The following PLET1 variants were observed in gnomAD, a reference collection of about 807,000 sequenced individuals.
PLET1 encodes the protein placenta-expressed transcript 1 protein.
A neutral mutation model predicts 18.5 loss-of-function variants in PLET1; 20 were observed. The ratio of observed to expected loss-of-function variants is 1.08; its 90% CI spans 0.76 to 1.57. The LOEUF (loss-of-function observed/expected upper bound fraction) is 1.57, where lower values mean the gene tolerates loss of function less well. Ranked by LOEUF, PLET1 falls within the 40% of genes most tolerant of loss-of-function variation. PLET1 has a pLI of 0.00. For missense variants in PLET1, 256 were observed against 246.4 expected, an observed-to-expected ratio of 1.04 and a Z score of -0.26; for synonymous variants, 93 against 93.8, an observed-to-expected ratio of 0.99 and a Z score of 0.05.
rs377027318 is a variant in PLET1 at position 112,255,425 on chromosome 11, C to G, written c.349G>C (p.Ala117Pro). Residue 117 changes from alanine to proline, a missense_variant, in exon 2 of 4, where the codon GCT becomes CCT. Physicochemically the swap from Ala to Pro is conservative, Grantham distance 27. Coordinates refer to ENST00000338832, the MANE Select transcript of PLET1 (RefSeq NM_001145024.1). ...YMTVLEAQWQ[A>P]PEPENITEVE... is the part of the protein sequence containing the mutation. ...TCAGTTATGTTCTCAGGTTCAGGAG[C>G]TTGCCACTGTGCCTCTAAGACCGTC... 2 of 1,552,328 alleles carry G rather than the reference C, an allele frequency of 1.3e-6. No homozygotes were observed. The highest frequency in any genetic ancestry group is 2.7e-5 in the African/African-American group (2 of 73,154).
intron 3 of PLET1, among the ~76,000 whole-genome samples, chr11:112,250,430 G>A (rs1278514293): frequency 2.0e-5 from 3 of 151,930 alleles, no homozygotes; most frequent in Non-Finnish European, 4.4e-5. Flanking sequence ...TGTAACAGCG[G>A]AAAGTCCAGA....
In PLET1 at chr11:112,260,407, A is replaced by C. The variant is rs780066878; in HGVS notation, c.183T>G (p.Ser61=). Residue 61 remains serine (S), a splice_region_variant and synonymous_variant, in exon 1 of 4, where the codon TCT becomes TCG. Transcript: ENST00000338832. ...GCAGAGAGCATGGCTTCTACTCACC[A>C]GAATAGACTGCATTGCTTTCGTAGA... ...SHIYESNAVY[S]VFVPVNDSVY... The C allele has an allele frequency of 3.2e-6, 5 of 1,550,506 alleles. No homozygotes were observed. In the South Asian group the frequency reaches 6.0e-5, roughly 18 times the overall value.
chr11:112,253,873 A>G (rs1860183620), intron 2 of PLET1, among the ~76,000 whole-genome samples: 2 of 152,298 alleles, frequency 1.3e-5, no homozygotes, highest in South Asian at 2.1e-4. Context: ...CGGCCCTTTC[A>G]GTACAGAATG....
In PLET1 at chr11:112,255,266, C is replaced by T. The variant is rs1172599705; in HGVS notation, c.386+122G>A. The T allele has an allele frequency of 7.0e-6, 7 of 1,001,936 alleles. No individual in the cohort carries two copies. In the East Asian group the frequency reaches 7.8e-5, roughly 11 times the overall value. 62.1% of individuals were successfully genotyped at this position (1,001,936 alleles called of 1,614,324 possible). ...AGCACTGTGAGACGGTAATGAAGTGCGACTGCTGAGTTCTCCATATCACGT... is the reference window on the plus strand; with the variant it reads ...AGCACTGTGAGACGGTAATGAAGTGTGACTGCTGAGTTCTCCATATCACGT... On this transcript the variant is annotated intron_variant, in intron 2 of 3. Coordinates refer to ENST00000338832, the MANE Select transcript of PLET1 (RefSeq NM_001145024.1).
rs549995753 is a variant in PLET1, at chr11:112,259,506, C to T, written c.184+900G>A. ...TATAAAAAATATCTACTGGACACCT[C>T]TAAGAAAAGCATTGGATTAAGAATG... On this transcript the variant is annotated intron_variant, in intron 1 of 3. Coordinates refer to ENST00000338832, the MANE Select transcript of PLET1 (RefSeq NM_001145024.1). 3.3e-5 allele frequency among the ~76,000 whole-genome samples: 5 copies of T among 152,248 alleles called. No homozygotes were observed. The South Asian group carries it at 1.0e-3, about 32-fold the overall frequency.
chr11:112,248,695 A>G lies in PLET1; in HGVS notation c.*104T>C. 7.6e-7 allele frequency: 1 copy of G among 1,308,048 alleles called. No homozygotes were observed. Among genetic ancestry groups the G allele is most frequent in the South Asian group, 1.5e-5 (1 of 66,328 alleles). The allele number at this position is 1,308,048 out of a possible 1,614,324, so 81.0% of individuals were successfully genotyped here. On this transcript the variant is annotated 3_prime_UTR_variant, in exon 4 of 4. Coordinates refer to ENST00000338832, the MANE Select transcript of PLET1 (RefSeq NM_001145024.1). ...GTGGCAGCAAAGTTGCACATTTGAGAATGTAAAGCCTTCATTTACACACAT... is the reference window on the plus strand; with the variant it reads ...GTGGCAGCAAAGTTGCACATTTGAGGATGTAAAGCCTTCATTTACACACAT...
chr11:112,255,536 CG>C lies in PLET1; in HGVS notation c.237del (p.Asp79GlufsTer25). 1 of 1,551,598 alleles carries C rather than the reference CG, an allele frequency of 6.4e-7. No homozygotes were observed. The highest frequency in any genetic ancestry group is 8.7e-7 in the Non-Finnish European group (1 of 1,146,842). Reference sequence around the variant, plus strand: ...CAGAGGCCCGCTGAGTCACTGTTCTCGTCCAAGGTTTTCATGACCACAGCAT... The same window carrying C: ...CAGAGGCCCGCTGAGTCACTGTTCTCTCCAAGGTTTTCATGACCACAGCAT... Reference protein sequence around the residue: ...SVYAVVMKTLDENSDSAGLWQ... With the variant: ...SVYAVVMKTLXENSDSAGLWQ... On this transcript the variant is annotated frameshift_variant, in exon 2 of 4. Transcript: ENST00000338832. LOFTEE classifies it high-confidence loss of function.
chr11:112,252,983 A>G (rs1447842580), intron 2 of PLET1, among the ~76,000 whole-genome samples: 1 of 152,180 alleles, frequency 6.6e-6, no homozygotes, highest in African/African-American at 2.4e-5. Context: ...TAGATCATTA[A>G]TGAAAGGACA....
intron 3 of PLET1, among the ~76,000 whole-genome samples, chr11:112,251,621 A>T (rs1411719682): frequency 1.3e-5 from 2 of 150,850 alleles, no homozygotes; most frequent in African/African-American, 4.9e-5. Flanking sequence ...TGTGTTGCCC[A>T]GGTTGGTCTT....
At chr11:112,254,919 G>A (rs1860204455) in intron 2 of PLET1, among the ~76,000 whole-genome samples, 1 of 117,082 alleles carries the variant, frequency 8.5e-6, no homozygotes, top group Non-Finnish European at 1.8e-5. Flanking sequence ...TGTGGGGTAT[G>A]TATGTGTGTG....
chr11:112,257,109 C>T (rs1164698368), intron 1 of PLET1, among the ~76,000 whole-genome samples: 3 of 152,218 alleles, frequency 2.0e-5, no homozygotes, highest in African/African-American at 7.2e-5. Context: ...ATATTTTTGC[C>T]TCTGGTCTGT....
Position 112,255,419 on chromosome 11 carries a change from C to T in PLET1, c.355G>A (p.Glu119Lys), listed in dbSNP as rs1293424940. Residue 119 changes from glutamate to lysine, a missense_variant, in exon 2 of 4, where the codon GAA becomes AAA. Physicochemically the swap from Glu to Lys is moderately conservative, Grantham distance 56. Coordinates refer to ENST00000338832, the MANE Select transcript of PLET1 (RefSeq NM_001145024.1). ...TVLEAQWQAPEPENITEVEIQ... is the reference protein window; with the variant it reads ...TVLEAQWQAPKPENITEVEIQ... ...TCCACTTCAGTTATGTTCTCAGGTT[C>T]AGGAGCTTGCCACTGTGCCTCTAAG... The T allele has an allele frequency of 1.3e-6, 2 of 1,552,308 alleles. No homozygotes were observed. The highest frequency in any genetic ancestry group is 1.2e-5 in the South Asian group (1 of 84,062).
At chr11:112,254,449 G>A (rs1315417012) in intron 2 of PLET1, among the ~76,000 whole-genome samples, 1 of 148,970 alleles carries the variant, frequency 6.7e-6, no homozygotes, top group Non-Finnish European at 1.5e-5. Flanking sequence ...GTACGTGTGT[G>A]TGGTGTGTGT....
rs897543860 is a variant in PLET1, at chr11:112,248,906, G to C, written c.517C>G (p.Pro173Ala). The change falls in exon 4 of 4, where the codon CCC (proline) becomes GCC (alanine). Residue 173 changes from proline (P) to alanine (A), a missense_variant. Coordinates refer to ENST00000338832, the MANE Select transcript of PLET1 (RefSeq NM_001145024.1). ...SAFKPFFMIT[P>A]KSIRLEGLAN... is the part of the protein sequence containing the mutation. Reference sequence around the variant, plus strand: ...AAGCCTTCGAGTCTGATACTCTTGGGTGTAATCATGAAGAAAGGCTTGAAG... The same window carrying C: ...AAGCCTTCGAGTCTGATACTCTTGGCTGTAATCATGAAGAAAGGCTTGAAG... The C allele has an allele frequency of 7.7e-6, 12 of 1,551,430 alleles. No homozygotes were observed. Among genetic ancestry groups the C allele is most frequent in the Non-Finnish European group, 1.0e-5 (12 of 1,146,956 alleles).
At chr11:112,254,779 AT>A (rs1566829059) in intron 2 of PLET1, among the ~76,000 whole-genome samples, 1 of 5,972 alleles carries the variant, frequency 1.7e-4, no homozygotes, top group East Asian at 6.0e-3. Flanking sequence ...TGTGGTACGC[AT>A]CGTGTGTGTG....
intron 3 of PLET1, among the ~76,000 whole-genome samples, chr11:112,251,900 T>C (rs184583588): frequency 6.6e-6 from 1 of 152,268 alleles, no homozygotes; most frequent in East Asian, 1.9e-4. Context: ...GCTATTTCTA[T>C]GATATCAATC....
chr11:112,254,962 GTATGTGAGTGTGGTGTGTGTGTGATA>G (rs1860206439), intron 2 of PLET1, among the ~76,000 whole-genome samples: 1 of 35,194 alleles, frequency 2.8e-5, no homozygotes, highest in Admixed American at 4.8e-4. Flanking sequence ...TGTGTGATAT[GTATGTGAGTGTGGTGTGTGTGTGATA>G]TGTGGTGTGT....
chr11:112,259,579 A>C (rs1184821648), intron 1 of PLET1, among the ~76,000 whole-genome samples: 1 of 152,106 alleles, frequency 6.6e-6, no homozygotes, highest in Non-Finnish European at 1.5e-5. Context: ...TAGAAGGGAG[A>C]CTCTGGGCAG....
At position 112,248,467 on chromosome 11, in the gene PLET1, T is replaced by C. The variant is rs1309211123; in HGVS notation, c.*332A>G. On this transcript the variant is annotated 3_prime_UTR_variant, in exon 4 of 4. Coordinates refer to ENST00000338832, the MANE Select transcript of PLET1 (RefSeq NM_001145024.1). The stretch of plus-strand genomic sequence containing the variant: ...AACTCAGAGGTTGCAGGGGAATCAT[T>C]TGGCAGTGAACAAAAGTTGAGATTG... The C allele has an allele frequency of 4.9e-6, 2 of 412,090 alleles. No individual in the cohort carries two copies. Among genetic ancestry groups the C allele is most frequent in the Non-Finnish European group, 8.5e-6 (2 of 234,882 alleles). The allele number at this position is 412,090 out of a possible 1,614,324, so 25.5% of individuals were successfully genotyped here.
Sources: gnomAD v4.1 joint callset for allele counts (sites outside exome capture counted in the v4.1 genomes callset) on GRCh38, gnomAD v4.1.1 for gene constraint, MANE v1.5 for transcripts, NCBI Gene and HGNC (gene_info 2026-07-23, HGNC 2026-07-21) for gene names.